Variants in CRYBG1 observed in about 807,000 individuals in gnomAD.
The protein encoded by CRYBG1 is crystallin beta-gamma domain containing 1, also known as beta/gamma crystallin domain-containing protein 1.
A neutral mutation model predicts 189.2 loss-of-function variants in CRYBG1; 139 were observed. The observed-to-expected ratio is 0.73, with a 90% CI of 0.64 to 0.85. The LOEUF is 0.85. CRYBG1 is among the 40% of genes least tolerant of loss of function. The probability of loss-of-function intolerance (pLI) is 0.00; values close to 1 mark genes in which losing one functional copy is unlikely to be tolerated. For synonymous variants in CRYBG1, 1,023 were observed against 1,017.1 expected, an observed-to-expected ratio of 1.01 and a Z score of -0.11; for missense variants, 2,611 against 2,675.8, an observed-to-expected ratio of 0.98 and a Z score of 0.53.
At position 106,543,528 on chromosome 6, in the gene CRYBG1, C is replaced by T. The variant is rs1218096574; in HGVS notation, c.4970C>T (p.Thr1657Ile). The T allele has an allele frequency of 6.2e-6, 10 of 1,613,912 alleles. No homozygotes were observed. Among genetic ancestry groups the T allele is most frequent in the Non-Finnish European group, 8.5e-6 (10 of 1,179,976 alleles). Residue 1657 changes from threonine (T) to isoleucine (I), a missense_variant, in exon 11 of 22, where the codon ACA becomes ATA. Transcript: ENST00000633556. The part of the protein sequence containing the change: ...MCSFVMEGGE[T>I]EEATGDDHLP... ...AGTTTTGTCATGGAGGGAGGTGAAA[C>T]AGAAGAGGCGACTGGAGACGATCAT... is the stretch of plus-strand genomic sequence containing the variant.
At chr6:106,462,229 G>A (rs11152992) in intron 2 of CRYBG1, among the ~76,000 whole-genome samples, 11,619 of 152,144 alleles carry the variant, frequency 0.076, 704 homozygotes, top group East Asian at 0.24. Flanking sequence ...GGAGTGCAGT[G>A]GCGCTATCTC....
Position 106,393,304 on chromosome 6 carries a change from C to T in CRYBG1, c.173+32223C>T, listed in dbSNP as rs182975572. ...CAGGGGGTCCAGGGAGTATGGCTGT[C>T]GTGCTCTCTATAGCCCATATAATTA... On this transcript the variant is annotated intron_variant, in intron 1 of 21. Transcript: ENST00000633556. Among the ~76,000 whole-genome samples, 559 of 152,246 alleles carry T rather than the reference C, an allele frequency of 3.7e-3. 1 individual carries two copies. Among genetic ancestry groups the T allele is most frequent in the African/African-American group, 0.013 (527 of 41,518 alleles).
At chr6:106,419,292 G>A (rs562165996) in intron 1 of CRYBG1, among the ~76,000 whole-genome samples, 79 of 152,300 alleles carry the variant, frequency 5.2e-4, no homozygotes, top group African/African-American at 1.5e-3. Context: ...AAGGACTTTC[G>A]TACCCTTACT....
chr6:106,447,178 T>G (rs1771678799), intron 1 of CRYBG1, among the ~76,000 whole-genome samples: 1 of 152,084 alleles, frequency 6.6e-6, no homozygotes, highest in Admixed American at 6.5e-5. Flanking sequence ...ACCCAAGAGG[T>G]TATTGTCGTT....
chr6:106,524,024 G>A (rs1331993284), intron 4 of CRYBG1, among the ~76,000 whole-genome samples: 2 of 152,100 alleles, frequency 1.3e-5, no homozygotes, highest in Admixed American at 6.5e-5. Context: ...GAGGCACTGC[G>A]CCCCAGCCTT....
At chr6:106,497,526 A>G (rs1772879875) in intron 2 of CRYBG1, among the ~76,000 whole-genome samples, 1 of 152,066 alleles carries the variant, frequency 6.6e-6, no homozygotes, top group African/African-American at 2.4e-5. Context: ...GTCTGAGGGG[A>G]CCTGCCTTGT....
chr6:106,550,678 T>A (rs1369514098), intron 13 of CRYBG1, among the ~76,000 whole-genome samples: 1 of 152,224 alleles, frequency 6.6e-6, no homozygotes, highest in East Asian at 1.9e-4. Flanking sequence ...TCTGCATTTT[T>A]AAAAGCATTT....
intron 1 of CRYBG1, among the ~76,000 whole-genome samples, chr6:106,424,046 C>T (rs1771181048): frequency 6.6e-6 from 1 of 152,006 alleles, no homozygotes; most frequent in African/African-American, 2.4e-5. Flanking sequence ...TTTAAGATAA[C>T]CTAATATGCA....
At chr6:106,423,996 C>T (rs887619087) in intron 1 of CRYBG1, among the ~76,000 whole-genome samples, 11 of 152,052 alleles carry the variant, frequency 7.2e-5, no homozygotes, top group Non-Finnish European at 1.3e-4. Flanking sequence ...TGAGCCACTG[C>T]GCCCAGCCTC....
intron 2 of CRYBG1, among the ~76,000 whole-genome samples, chr6:106,452,775 T>C (rs1336348422): frequency 1.3e-5 from 2 of 152,240 alleles, no homozygotes; most frequent in Non-Finnish European, 2.9e-5. Flanking sequence ...TCATGTTAAC[T>C]GCATTCCTTC....
rs1353554243 is a variant in CRYBG1 at position 106,511,681 on chromosome 6, G to T, written c.564G>T (p.Glu188Asp). ...CAAGCGAGGAGGGCTCCCCGCGGGAGAATCCCCGAGAGGCAGAGGGCGAGC... is the reference window on the plus strand; with the variant it reads ...CAAGCGAGGAGGGCTCCCCGCGGGATAATCCCCGAGAGGCAGAGGGCGAGC... ...TDTSEEGSPR[E>D]NPREAEGELP... is the part of the protein sequence containing the mutation. Residue 188 changes from glutamate (E) to aspartate (D), a missense_variant, in exon 3 of 22, where the codon GAG becomes GAT. This residue lies in a region of CRYBG1 where 985 missense variants were observed against 924.4 expected (regional missense o/e 1.07). Coordinates refer to ENST00000633556, the MANE Select transcript of CRYBG1 (RefSeq NM_001371242.2). The T allele has an allele frequency of 1.3e-6, 2 of 1,535,614 alleles. No individual in the cohort carries two copies. Among genetic ancestry groups the T allele is most frequent in the Non-Finnish European group, 1.7e-6 (2 of 1,146,598 alleles).
intron 7 of CRYBG1, 68 bp from the exon 8 acceptor site, chr6:106,530,108 G>T: frequency 2.2e-6 from 3 of 1,352,976 alleles, no homozygotes; most frequent in Non-Finnish European, 3.0e-6. Context: ...AGAAGAAGAA[G>T]AATGAGCTTA....
At chr6:106,493,828 A>G (rs965349456) in intron 2 of CRYBG1, among the ~76,000 whole-genome samples, 11 of 152,194 alleles carry the variant, frequency 7.2e-5, no homozygotes, top group Admixed American at 2.6e-4. Context: ...GGAGAGAATC[A>G]GGAAGAATAG....
chr6:106,416,847 A>T (rs1432574041), intron 1 of CRYBG1, among the ~76,000 whole-genome samples: 1 of 152,152 alleles, frequency 6.6e-6, no homozygotes, highest in African/African-American at 2.4e-5. Context: ...ATTTTGGTTG[A>T]AAAACATATG....
chr6:106,469,878 A>G (rs917697692), intron 2 of CRYBG1, among the ~76,000 whole-genome samples: 2 of 152,228 alleles, frequency 1.3e-5, no homozygotes, highest in African/African-American at 4.8e-5. Flanking sequence ...CCCAAGGCCC[A>G]TGAAGACTCA....
intron 13 of CRYBG1, among the ~76,000 whole-genome samples, chr6:106,546,978 A>G (rs924598993): frequency 6.6e-6 from 1 of 152,204 alleles, no homozygotes; most frequent in Non-Finnish European, 1.5e-5. Flanking sequence ...ACACAGGTAG[A>G]ATTATTGTGC....
chr6:106,396,642 G>A (rs527845880), intron 1 of CRYBG1, among the ~76,000 whole-genome samples: 1 of 152,286 alleles, frequency 6.6e-6, no homozygotes, highest in African/African-American at 2.4e-5. Context: ...GACTTTCTGA[G>A]GACCTGTTCT....
chr6:106,502,160 A>G (rs1010207825), intron 2 of CRYBG1, among the ~76,000 whole-genome samples: 1 of 152,212 alleles, frequency 6.6e-6, no homozygotes, highest in Non-Finnish European at 1.5e-5. Flanking sequence ...CCTGCATCAT[A>G]TCATTTATAC....
At chr6:106,403,762 G>T (rs997850073) in intron 1 of CRYBG1, among the ~76,000 whole-genome samples, 25 of 152,192 alleles carry the variant, frequency 1.6e-4, no homozygotes, top group African/African-American at 6.0e-4. Flanking sequence ...TAAGTATGGT[G>T]TGAAAAACAC....
Sources: gnomAD v4.1 joint callset for allele counts (sites outside exome capture counted in the v4.1 genomes callset) on GRCh38, gnomAD v4.1.1 for gene constraint, gnomAD v4.1.1 regional missense constraint, MANE v1.5 for transcripts, NCBI Gene and HGNC (gene_info 2026-07-23, HGNC 2026-07-21) for gene names.